Variants in ROPN1L observed in about 807,000 individuals in gnomAD.
ROPN1L encodes rhophilin associated tail protein 1 like.
In ROPN1L, 23 loss-of-function variants were observed where a neutral mutation model predicts 22.7. The observed-to-expected ratio is 1.01, with a 90% CI of 0.73 to 1.43. The LOEUF (loss-of-function observed/expected upper bound fraction) is 1.43, where lower values mean the gene tolerates loss of function less well. ROPN1L is among the 40% of genes most tolerant of loss of function. The pLI is 0.00. For missense variants in ROPN1L, 271 were observed against 291.5 expected, an observed-to-expected ratio of 0.93 and a Z score of 0.51; for synonymous variants, 116 against 117.8, an observed-to-expected ratio of 0.98 and a Z score of 0.10.
chr5:10,463,634 A>T (rs953403149), intron 4 of ROPN1L, among the ~76,000 whole-genome samples: 1 of 152,064 alleles, frequency 6.6e-6, no homozygotes, highest in Non-Finnish European at 1.5e-5. Flanking sequence ...CACACCTCTC[A>T]TCTCGAATTG....
At chr5:10,448,531 T>A (rs1434292616) in intron 2 of ROPN1L, 148 bp downstream of exon 2, 2 of 892,416 alleles carry the variant, frequency 2.2e-6, no homozygotes, top group Non-Finnish European at 3.3e-6. Context: ...CTGCCACGCA[T>A]CGTCAAGGTT....
Sources: gnomAD v4.1 joint callset for allele counts (sites outside exome capture counted in the v4.1 genomes callset) on GRCh38, gnomAD v4.1.1 for gene constraint, MANE v1.5 for transcripts, NCBI Gene and HGNC (gene_info 2026-07-23, HGNC 2026-07-21) for gene names.